The following GSE1 variants were observed in gnomAD, a reference collection of about 807,000 sequenced individuals.
GSE1 encodes the protein Gse1 coiled-coil protein.
A neutral mutation model predicts 112.6 loss-of-function variants in GSE1; 32 were observed. The ratio of observed to expected loss-of-function variants is 0.28; its 90% CI spans 0.21 to 0.38. The LOEUF is 0.38. GSE1 is among the 10% of genes least tolerant of loss of function. The probability of loss-of-function intolerance (pLI) is 1.00; values close to 1 mark genes in which losing one functional copy is unlikely to be tolerated. For synonymous variants in GSE1, 1,115 were observed against 735.6 expected, an observed-to-expected ratio of 1.52 and a Z score of -8.35; for missense variants, 2,348 against 1,699.2, an observed-to-expected ratio of 1.38 and a Z score of -6.71.
At chr16:85,620,098 C>A (rs1170884360) in intron 1 of GSE1, among the ~76,000 whole-genome samples, 1 of 152,070 alleles carries the variant, frequency 6.6e-6, no homozygotes, top group Non-Finnish European at 1.5e-5. Context: ...CAGTTTAAGA[C>A]CTCCTCTCTA....
intron 1 of GSE1, among the ~76,000 whole-genome samples, chr16:85,619,977 C>T (rs549105116): frequency 1.4e-4 from 21 of 152,172 alleles, no homozygotes; most frequent in South Asian, 2.1e-4. Context: ...GAGAGGTCAC[C>T]GGCTGCTTCG....
chr16:85,603,284 G>C (rs1390943670), intron 1 of GSE1, among the ~76,000 whole-genome samples: 1 of 152,218 alleles, frequency 6.6e-6, no homozygotes, highest in African/African-American at 2.4e-5. Context: ...GGAAGGGGGA[G>C]AGACGCCGAG....
intron 1 of GSE1, chr16:85,593,938 G>C (rs1171661462): frequency 1.3e-5 from 2 of 152,336 alleles, no homozygotes; most frequent in African/African-American, 4.8e-5. Flanking sequence ...GAATGGAGGG[G>C]CTCGGAAGCA....
At chr16:85,517,722 C>T (rs1039066847) in intron 2 of GSE1, among the ~76,000 whole-genome samples, 2 of 152,244 alleles carry the variant, frequency 1.3e-5, no homozygotes, top group African/African-American at 4.8e-5. Context: ...CATTCCATTT[C>T]ATTTCTGGTC....
intron 1 of GSE1, among the ~76,000 whole-genome samples, chr16:85,327,621 A>G (rs112249014): frequency 0.017 from 2,639 of 152,222 alleles, 76 homozygotes; most frequent in African/African-American, 0.06. Flanking sequence ...AAAACAAAAC[A>G]TAAACAAAAC....
At chr16:85,599,652 A>G (rs1365964072) in intron 1 of GSE1, among the ~76,000 whole-genome samples, 2 of 152,222 alleles carry the variant, frequency 1.3e-5, no homozygotes, top group African/African-American at 4.8e-5. Context: ...ATTGCCAGAA[A>G]TGGGCTGAGG....
At chr16:85,493,603 A>G (rs1788455152) in intron 2 of GSE1, among the ~76,000 whole-genome samples, 1 of 151,968 alleles carries the variant, frequency 6.6e-6, no homozygotes. Flanking sequence ...AAAATTCAAA[A>G]TTAGCCGGGC....
chr16:85,273,473 AT>A (rs1374726141), intron 1 of GSE1, among the ~76,000 whole-genome samples: 2 of 152,214 alleles, frequency 1.3e-5, no homozygotes, highest in Non-Finnish European at 2.9e-5. Context: ...TTACTCAGCC[AT>A]AAAAAGGAGT....
intron 1 of GSE1, among the ~76,000 whole-genome samples, chr16:85,216,416 G>A (rs2075307201): frequency 6.6e-6 from 1 of 152,072 alleles, no homozygotes; most frequent in African/African-American, 2.4e-5. Context: ...AAAAGATAAA[G>A]CACTGTTATT....
intron 2 of GSE1, among the ~76,000 whole-genome samples, chr16:85,513,204 A>G (rs1252207149): frequency 6.6e-6 from 1 of 152,028 alleles, no homozygotes; most frequent in East Asian, 1.9e-4. Context: ...CTCCCGGCTC[A>G]GAGATGGCAG....
intron 2 of GSE1, among the ~76,000 whole-genome samples, chr16:85,503,948 C>G (rs1024501604): frequency 1.3e-5 from 2 of 152,222 alleles, no homozygotes; most frequent in African/African-American, 4.8e-5. Flanking sequence ...GATGGTCATC[C>G]TTTTTGCTCC....
chr16:85,394,855 G>A (rs1382878116), intron 2 of GSE1, among the ~76,000 whole-genome samples: 1 of 152,148 alleles, frequency 6.6e-6, no homozygotes, highest in Non-Finnish European at 1.5e-5. Context: ...TGGGCACACG[G>A]TTTCTGGGCT....
intron 2 of GSE1, among the ~76,000 whole-genome samples, chr16:85,514,434 C>A (rs968519289): frequency 6.1e-5 from 7 of 114,324 alleles, no homozygotes; most frequent in African/African-American, 1.6e-4. Context: ...AGTCCCCCCC[C>A]CCACCCCAGG....
At chr16:85,441,942 C>G (rs2049385683) in intron 2 of GSE1, among the ~76,000 whole-genome samples, 1 of 152,218 alleles carries the variant, frequency 6.6e-6, no homozygotes, top group South Asian at 2.1e-4. Context: ...AATAAAATCC[C>G]AACTCTTCAC....
intron 2 of GSE1, among the ~76,000 whole-genome samples, chr16:85,379,704 G>A (rs1357650835): frequency 1.3e-5 from 2 of 152,214 alleles, no homozygotes; most frequent in Non-Finnish European, 2.9e-5. Context: ...CTGAAGGGGC[G>A]CCAGGAGTCC....
intron 1 of GSE1, among the ~76,000 whole-genome samples, chr16:85,566,966 T>C (rs1394241344): frequency 6.6e-6 from 1 of 152,098 alleles, no homozygotes; most frequent in East Asian, 1.9e-4. Flanking sequence ...CAAGAACCTG[T>C]GTCACTGTCG....
In GSE1 at chr16:85,635,484, T is replaced by C. The variant is rs1050392251; in HGVS notation, c.226+1352T>C. Among the ~76,000 whole-genome samples, 5 of 150,272 alleles carry C rather than the reference T, an allele frequency of 3.3e-5. No individual in the cohort carries two copies. In the South Asian group the frequency reaches 1.0e-3, roughly 31 times the overall value. On this transcript the variant is annotated intron_variant, in intron 2 of 15. Coordinates refer to ENST00000253458, the MANE Select transcript of GSE1 (RefSeq NM_014615.5). ...ATGGCTCAGGGGGAAGCAGACTGCC[T>C]GCCTGGTGGAGGCATCCTGGACTCT...
At chr16:85,192,534 T>C (rs2074844760) in intron 1 of GSE1, among the ~76,000 whole-genome samples, 1 of 152,088 alleles carries the variant, frequency 6.6e-6, no homozygotes, top group African/African-American at 2.4e-5. Context: ...GCTTCACAGG[T>C]GTGAGTGGCT....
rs79221944 is a variant in GSE1 at position 85,280,130 on chromosome 16, G to T, written c.2284-77333G>T. On this transcript the variant is annotated intron_variant, in intron 1 of 2. Coordinates refer to the GSE1 transcript ENST00000637419. ...TCTCTCCAGAGTGCATGCTGTTTCG[G>T]AGCAGATGGAACTGGCCCTTGGAGA... Among the ~76,000 whole-genome samples the T allele has an allele frequency of 1.2e-3, 187 of 152,318 alleles. 1 individual carries two copies. Among genetic ancestry groups the T allele is most frequent in the African/African-American group, 4.3e-3 (180 of 41,580 alleles).
Sources: gnomAD v4.1 joint callset for allele counts (sites outside exome capture counted in the v4.1 genomes callset) on GRCh38, gnomAD v4.1.1 for gene constraint, MANE v1.5 for transcripts, NCBI Gene and HGNC (gene_info 2026-07-23, HGNC 2026-07-21) for gene names.